Variants in MIB1 observed in about 807,000 individuals in gnomAD.
MIB1 encodes E3 ubiquitin-protein ligase MIB1.
A neutral mutation model predicts 124.5 loss-of-function variants in MIB1; 278 were observed. The ratio of observed to expected loss-of-function variants is 2.23; its 90% CI spans 2.02 to 2.47. The LOEUF (loss-of-function observed/expected upper bound fraction) is 2.47. Ranked by LOEUF, MIB1 falls within the 30% of genes most tolerant of loss-of-function variation. The pLI, the probability that MIB1 is intolerant of heterozygous loss-of-function variation, is 0.00. For missense variants in MIB1, 957 were observed against 1,254.4 expected, an observed-to-expected ratio of 0.76 and a Z score of 3.58; for synonymous variants, 446 against 429.4, an observed-to-expected ratio of 1.04 and a Z score of -0.48.
intron 1 of MIB1, among the ~76,000 whole-genome samples, chr18:21,726,954 G>A (rs867790136): frequency 6.6e-6 from 1 of 152,100 alleles, no homozygotes; most frequent in African/African-American, 2.4e-5. Context: ...AGTTCTGGGG[G>A]ATTACATCCT....
chr18:21,714,048 A>G (rs1598578031), intron 1 of MIB1, among the ~76,000 whole-genome samples: 1 of 152,310 alleles, frequency 6.6e-6, no homozygotes, highest in South Asian at 2.1e-4. Flanking sequence ...CAAGATGTTA[A>G]GTAGTGCTTT....
intron 7 of MIB1, among the ~76,000 whole-genome samples, chr18:21,792,246 C>G (rs1020385979): frequency 6.6e-6 from 1 of 152,162 alleles, no homozygotes; most frequent in African/African-American, 2.4e-5. Context: ...CATCTCCTGT[C>G]TCATCCAGCC....
At chr18:21,715,947 A>C (rs2040688015) in intron 1 of MIB1, among the ~76,000 whole-genome samples, 1 of 152,254 alleles carries the variant, frequency 6.6e-6, no homozygotes, top group African/African-American at 2.4e-5. Flanking sequence ...ATTTGGGGGA[A>C]TAATCAAGGA....
chr18:21,797,195 C>T (rs935036635), intron 7 of MIB1, among the ~76,000 whole-genome samples: 4 of 151,940 alleles, frequency 2.6e-5, no homozygotes, highest in African/African-American at 9.7e-5. Context: ...GAGGTACATA[C>T]TGAAATAATA....
intron 1 of MIB1, among the ~76,000 whole-genome samples, chr18:21,715,314 A>G (rs991169166): frequency 2.6e-5 from 4 of 152,204 alleles, no homozygotes; most frequent in African/African-American, 7.2e-5. Context: ...GAAAAGGGAG[A>G]GAGTACTACA....
At chr18:21,815,045 ATATAT>A (rs1568212963) in intron 10 of MIB1, among the ~76,000 whole-genome samples, 11 of 130,856 alleles carry the variant, frequency 8.4e-5, no homozygotes, top group African/African-American at 3.3e-4. Context: ...ATATATATAT[ATATAT>A]ATATATAAAA....
intron 4 of MIB1, among the ~76,000 whole-genome samples, chr18:21,775,975 A>G (rs2041280078): frequency 6.6e-6 from 1 of 152,102 alleles, no homozygotes; most frequent in Admixed American, 6.6e-5. Flanking sequence ...GTATATTAAA[A>G]CAATTTGACA....
intron 12 of MIB1, among the ~76,000 whole-genome samples, chr18:21,836,298 G>T (rs536848040): frequency 1.3e-5 from 2 of 148,716 alleles, no homozygotes; most frequent in South Asian, 4.3e-4. Flanking sequence ...TTTTGAGATG[G>T]AGTCTCGCTC....
chr18:21,833,349 A>G (rs1322467847), intron 12 of MIB1, among the ~76,000 whole-genome samples: 2 of 152,324 alleles, frequency 1.3e-5, no homozygotes, highest in Admixed American at 6.5e-5. Context: ...CTAGGTATAC[A>G]AAGTATACCT....
intron 2 of MIB1, among the ~76,000 whole-genome samples, chr18:21,766,831 G>C (rs2041166224): frequency 6.6e-6 from 1 of 152,030 alleles, no homozygotes; most frequent in Non-Finnish European, 1.5e-5. Flanking sequence ...TTGAGGCCAG[G>C]CGTTCAAGAC....
chr18:21,735,138 G>A (rs548301073), intron 1 of MIB1, among the ~76,000 whole-genome samples: 26 of 152,320 alleles, frequency 1.7e-4, no homozygotes, highest in South Asian at 6.2e-4. Context: ...AGCTCCCAGC[G>A]AGATGGATGC....
At chr18:21,808,913 T>C (rs776694500) in intron 10 of MIB1, among the ~76,000 whole-genome samples, 37 of 151,904 alleles carry the variant, frequency 2.4e-4, no homozygotes, top group Non-Finnish European at 4.9e-4. Flanking sequence ...TAAGGACATT[T>C]GGGGTAGTTT....
intron 1 of MIB1, among the ~76,000 whole-genome samples, chr18:21,707,954 C>T (rs573301721): frequency 6.6e-6 from 1 of 152,304 alleles, no homozygotes; most frequent in South Asian, 2.1e-4. Flanking sequence ...TGAGGGCCCT[C>T]TTTTGCCTTG....
rs2040843903 is a variant in MIB1, at chr18:21,741,106, T to C, written c.-478T>C. 6.6e-6 allele frequency among the ~76,000 whole-genome samples: 1 copy of C among 151,646 alleles called. No homozygotes were observed. Among genetic ancestry groups the C allele is most frequent in the Admixed American group, 6.5e-5 (1 of 15,270 alleles). On this transcript the variant is annotated 5_prime_UTR_variant, in exon 1 of 21. Transcript: ENST00000261537. The surrounding 1 kb of genome is among the most constrained non-coding windows in gnomAD (Gnocchi z 5.4). ...CGGGGGAGGAGGCGGCGCCGGCGCTTGGGTGCCCGCCCCCGAGCGAGGGGC... is the reference window on the plus strand; with the variant it reads ...CGGGGGAGGAGGCGGCGCCGGCGCTCGGGTGCCCGCCCCCGAGCGAGGGGC...
At chr18:21,743,158 A>C (rs984030125) in intron 1 of MIB1, among the ~76,000 whole-genome samples, 12 of 152,366 alleles carry the variant, frequency 7.9e-5, no homozygotes, top group Admixed American at 7.2e-4. Context: ...CAGCACAAAA[A>C]GGGGCAGCCA....
At chr18:21,738,187 C>T (rs1348269747), upstream of MIB1, among the ~76,000 whole-genome samples, 2 of 152,184 alleles carry the variant, frequency 1.3e-5, no homozygotes, top group African/African-American at 2.4e-5. Context: ...AAGTAAAACA[C>T]TCCTCAGCAA....
chr18:21,763,922 T>G (rs186994451), intron 1 of MIB1, among the ~76,000 whole-genome samples: 43 of 151,950 alleles, frequency 2.8e-4, no homozygotes, highest in Non-Finnish European at 5.2e-4. Context: ...CAGGAGTGAT[T>G]TTTTATTTTT....
At chr18:21,846,085 C>T (rs1413061655) in intron 15 of MIB1, among the ~76,000 whole-genome samples, 2 of 152,146 alleles carry the variant, frequency 1.3e-5, no homozygotes, top group Non-Finnish European at 2.9e-5. Flanking sequence ...CTACATAATA[C>T]GTGTTGAAGT....
At chr18:21,779,373 T>A in intron 5 of MIB1, 108 bp from the exon 6 acceptor site, 1 of 834,158 alleles carries the variant, frequency 1.2e-6, no homozygotes, top group South Asian at 1.6e-5. Flanking sequence ...CTTTTAAAAC[T>A]AGATGGTACC....
Sources: gnomAD v4.1 joint callset for allele counts (sites outside exome capture counted in the v4.1 genomes callset) on GRCh38, gnomAD v4.1.1 for gene constraint, Gnocchi (gnomAD v3.1) non-coding constraint, MANE v1.5 for transcripts, NCBI Gene and HGNC (gene_info 2026-07-23, HGNC 2026-07-21) for gene names.